Variants in ARMC9 observed in about 807,000 individuals in gnomAD.
ARMC9 encodes armadillo repeat containing 9.
A neutral mutation model predicts 107.0 loss-of-function variants in ARMC9; 94 were observed. The observed-to-expected ratio is 0.88, with a 90% confidence interval of 0.74 to 1.04. ARMC9 has a LOEUF of 1.04. ARMC9 is among the 50% of genes least tolerant of loss of function. The pLI, the probability that ARMC9 is intolerant of heterozygous loss-of-function variation, is 0.00. For missense variants in ARMC9, 942 were observed against 1,030.1 expected (o/e 0.91, Z 1.17); for synonymous variants, 380 against 396.9 (o/e 0.96, Z 0.51).
intron 10 of ARMC9, among the ~76,000 whole-genome samples, chr2:231,257,689 G>C (rs2037959509): frequency 6.6e-6 from 1 of 152,080 alleles, no homozygotes; most frequent in Non-Finnish European, 1.5e-5. Flanking sequence ...TACAAAATGA[G>C]GAGAATCATA....
intron 6 of ARMC9, 43 bp from the exon 7 acceptor site, chr2:231,226,731 G>T: frequency 6.2e-7 from 1 of 1,605,526 alleles, no homozygotes; most frequent in Non-Finnish European, 8.5e-7. Context: ...CCCAAGTACC[G>T]TTCCCTGAAT....
intron 17 of ARMC9, among the ~76,000 whole-genome samples, chr2:231,286,664 A>G (rs772940552): frequency 2.0e-5 from 3 of 152,218 alleles, no homozygotes; most frequent in Non-Finnish European, 2.9e-5. Context: ...TCAAAATATT[A>G]ATATCTATTG....
intron 9 of ARMC9, among the ~76,000 whole-genome samples, chr2:231,252,049 T>A (rs1324718508): frequency 6.6e-6 from 1 of 152,194 alleles, no homozygotes; most frequent in African/African-American, 2.4e-5. Flanking sequence ...GCTGTACTCA[T>A]GAAAGGGCCA....
intron 9 of ARMC9, among the ~76,000 whole-genome samples, chr2:231,245,343 C>T (rs565908443): frequency 7.9e-5 from 12 of 152,290 alleles, no homozygotes; most frequent in African/African-American, 1.9e-4. Flanking sequence ...ACGCAAGTCA[C>T]GCGGGTGTGT....
chr2:231,296,420 C>T (rs1559422748), intron 19 of ARMC9, among the ~76,000 whole-genome samples, 167 bp downstream of exon 19: 2 of 152,220 alleles, frequency 1.3e-5, no homozygotes, highest in African/African-American at 4.8e-5. Flanking sequence ...TCGGGTCTCA[C>T]TTGGGGTCTC....
chr2:231,213,343 T>G (rs1025304207), intron 3 of ARMC9, among the ~76,000 whole-genome samples: 1 of 151,876 alleles, frequency 6.6e-6, no homozygotes, highest in Non-Finnish European at 1.5e-5. Context: ...TTTGTACTTT[T>G]TGTAGAGACA....
At position 231,374,863 on chromosome 2, in the gene ARMC9, A is replaced by C. The variant is rs1363695837; in HGVS notation, c.*3328A>C. 1 of 152,258 alleles carries C rather than the reference A, an allele frequency of 6.6e-6. No homozygotes were observed. The highest frequency in any genetic ancestry group is 1.9e-4 in the East Asian group (1 of 5,182). The allele number at this position is 152,258 out of a possible 1,614,324, so 9.4% of individuals were successfully genotyped here. A position where few individuals can be genotyped will look rare whatever the true frequency, so the allele number is the denominator to read the frequency against. ...TTACTGAGTTTTGGGGTAGCCCTTTAAATTTTGTATGCAAGGTGAATACCT... is the reference window on the plus strand; with the variant it reads ...TTACTGAGTTTTGGGGTAGCCCTTTCAATTTTGTATGCAAGGTGAATACCT... On this transcript the variant is annotated 3_prime_UTR_variant, in exon 25 of 25. Coordinates refer to ENST00000611582, the MANE Select transcript of ARMC9 (RefSeq NM_001352754.2).
At chr2:231,345,594 C>T (rs538983572) in intron 21 of ARMC9, among the ~76,000 whole-genome samples, 3 of 152,264 alleles carry the variant, frequency 2.0e-5, no homozygotes, top group African/African-American at 7.2e-5. Context: ...ATTTTAGTCT[C>T]GTTACGTAGA....
chr2:231,288,691 A>G (rs1259237884), intron 17 of ARMC9: 9 of 471,012 alleles, frequency 1.9e-5, no homozygotes, highest in Non-Finnish European at 3.5e-5. Flanking sequence ...GGTTGTGCCC[A>G]TTTTGCTGCT....
At chr2:231,314,575 C>T (rs1047711535) in intron 19 of ARMC9, among the ~76,000 whole-genome samples, 5 of 152,256 alleles carry the variant, frequency 3.3e-5, no homozygotes, top group South Asian at 2.1e-4. Flanking sequence ...CTGTGCTATG[C>T]GTTATTGGGT....
intron 5 of ARMC9, among the ~76,000 whole-genome samples, chr2:231,222,268 A>G (rs2034221609): frequency 6.6e-6 from 1 of 152,236 alleles, no homozygotes; most frequent in African/African-American, 2.4e-5. Context: ...TATTTGTGGC[A>G]GAAAATAGCT....
rs191705016 is a variant in ARMC9, at chr2:231,267,205, G to A, written c.1120-3777G>A. ...TCTGGCGGAATTGAAAGGTGGGCCA[G>A]GTACCAGTTGTCCAACAGCAATATT... On this transcript the variant is annotated intron_variant, in intron 12 of 24. Coordinates refer to ENST00000611582, the MANE Select transcript of ARMC9 (RefSeq NM_001352754.2). Among the ~76,000 whole-genome samples the A allele has an allele frequency of 1.1e-3, 160 of 152,220 alleles. 1 individual carries two copies. Among genetic ancestry groups the A allele is most frequent in the African/African-American group, 3.5e-3 (145 of 41,558 alleles).
At chr2:231,304,052 A>G (rs1207638694) in intron 19 of ARMC9, among the ~76,000 whole-genome samples, 1 of 152,104 alleles carries the variant, frequency 6.6e-6, no homozygotes, top group Non-Finnish European at 1.5e-5. Context: ...CAACATGGTA[A>G]AACCCCATCT....
intron 23 of ARMC9, among the ~76,000 whole-genome samples, chr2:231,363,928 A>G (rs1360552395): frequency 1.3e-5 from 2 of 149,522 alleles, no homozygotes; most frequent in African/African-American, 4.9e-5. Flanking sequence ...CCCTACAATC[A>G]TGGTGCCTTC....
chr2:231,270,499 T>A, intron 12 of ARMC9: 1 of 389,580 alleles, frequency 2.6e-6, no homozygotes, highest in Non-Finnish European at 5.2e-6. Context: ...AGATTTGGCC[T>A]TCTTGAGCCT....
At chr2:231,258,858 G>A in intron 10 of ARMC9, 133 bp from the exon 11 acceptor site, 1 of 770,578 alleles carries the variant, frequency 1.3e-6, no homozygotes, top group Non-Finnish European at 2.1e-6. Context: ...CGCCCTCCAA[G>A]TGGAAGCCGG....
intron 19 of ARMC9, among the ~76,000 whole-genome samples, chr2:231,304,466 G>T (rs545861688): frequency 1.3e-5 from 2 of 152,064 alleles, no homozygotes; most frequent in East Asian, 3.9e-4. Context: ...GCCATCTCTC[G>T]GCCAGCTGCA....
chr2:231,346,049 A>G (rs1013427484), intron 21 of ARMC9, among the ~76,000 whole-genome samples: 6 of 152,200 alleles, frequency 3.9e-5, no homozygotes, highest in Admixed American at 6.5e-5. Context: ...TAAATGTTTC[A>G]GGGCCCGTGC....
chr2:231,323,070 T>G (rs1487739848), intron 19 of ARMC9, among the ~76,000 whole-genome samples: 2 of 152,110 alleles, frequency 1.3e-5, no homozygotes, highest in African/African-American at 4.8e-5. Flanking sequence ...ATGCCTGTAA[T>G]CCCAGCACTT....
Sources: allele counts gnomAD v4.1 joint callset (sites outside exome capture counted in the v4.1 genomes callset), GRCh38; gene constraint gnomAD v4.1.1; transcripts MANE v1.5; gene names NCBI Gene and HGNC (gene_info 2026-07-23, HGNC 2026-07-21).